The following DCAF1 variants were observed in gnomAD, a reference collection of about 807,000 sequenced individuals.
The protein encoded by DCAF1 is DDB1 and CUL4 associated factor 1.
Under a neutral mutation model 128.0 loss-of-function variants are expected in DCAF1, and 15 were observed. The ratio of observed to expected loss-of-function variants is 0.12; its 90% CI spans 0.08 to 0.18. The LOEUF is 0.18. Among genes scored for constraint, DCAF1 ranks in the 10% least tolerant of loss-of-function variants. The pLI is 1.00. For synonymous variants in DCAF1, 610 were observed against 603.0 expected (o/e 1.01, Z -0.17); for missense variants, 988 against 1,649.5 (o/e 0.60, Z 6.95).
chr3:51,422,240 G>T, intron 14 of DCAF1, 67 bp downstream of exon 14: 1 of 716,412 alleles, frequency 1.4e-6, no homozygotes, highest in South Asian at 1.5e-5. Flanking sequence ...AAGTAACCAA[G>T]ACCAGAGTGG....
intron 23 of DCAF1, among the ~76,000 whole-genome samples, chr3:51,408,518 C>T (rs782460244): frequency 2.0e-5 from 3 of 151,986 alleles, no homozygotes; most frequent in Non-Finnish European, 2.9e-5. Context: ...TCAGGTGAAG[C>T]GTACAAAGCA....
At chr3:51,470,610 T>G (rs1704627990) in intron 4 of DCAF1, among the ~76,000 whole-genome samples, 1 of 152,168 alleles carries the variant, frequency 6.6e-6, no homozygotes, top group Non-Finnish European at 1.5e-5. Flanking sequence ...TCTTTTTAAT[T>G]CTTTGTCATC....
intron 23 of DCAF1, among the ~76,000 whole-genome samples, chr3:51,411,545 T>C (rs1248774105): frequency 1.3e-5 from 2 of 152,104 alleles, no homozygotes; most frequent in African/African-American, 2.4e-5. Context: ...GAAAGCAAAA[T>C]GCAAAGACTG....
chr3:51,441,447 T>C lies in DCAF1; in HGVS notation c.964A>G (p.Thr322Ala). The C allele has an allele frequency of 6.2e-7, 1 of 1,613,732 alleles. No individual in the cohort carries two copies. The highest frequency in any genetic ancestry group is 8.5e-7 in the Non-Finnish European group (1 of 1,179,844). Residue 322 changes from threonine (T) to alanine (A), a missense_variant, in exon 8 of 25, where the codon ACT (threonine) becomes GCT (alanine). Transcript: ENST00000684031. ...IGTNYTLYPM[T>A]PAIEQRLILQ... ...ATGAGTCGCTGCTCGATAGCAGGAG[T>C]CATAGGATAAAGGGTATAATTGGTG...
At chr3:51,432,267 T>TG in intron 10 of DCAF1, among the ~76,000 whole-genome samples, 1 of 99,016 alleles carries the variant, frequency 1.0e-5, no homozygotes, top group East Asian at 2.9e-4. Context: ...CAAGATTCTG[T>TG]AAAAAAAAAA....
At chr3:51,495,603 C>T (rs1219756046) in intron 2 of DCAF1, among the ~76,000 whole-genome samples, 1 of 150,974 alleles carries the variant, frequency 6.6e-6, no homozygotes, top group Non-Finnish European at 1.5e-5. Flanking sequence ...TCAATGAAAG[C>T]AGTCAGCAAC....
intron 2 of DCAF1, among the ~76,000 whole-genome samples, chr3:51,489,095 A>G (rs1367223869): frequency 1.3e-5 from 2 of 152,112 alleles, no homozygotes; most frequent in African/African-American, 4.8e-5. Flanking sequence ...AAAATCGGAA[A>G]CCAGACAACA....
chr3:51,483,609 TTGTGTGTGTGTGTGTGTGTG>T lies in DCAF1; in HGVS notation c.110+90_110+109del, dbSNP rs57475291. The T allele has an allele frequency of 8.4e-6, 4 of 474,814 alleles. No homozygotes were observed. The South Asian group carries it at 1.3e-4, about 16-fold the overall frequency. 29.4% of individuals were successfully genotyped at this position (474,814 alleles called of 1,614,324 possible). A position where few individuals can be genotyped will look rare whatever the true frequency, so the allele number is the denominator to read the frequency against. ...AATTTTTGCTTCTTTTTAAACTAGTTTGTGTGTGTGTGTGTGTGTGTGTGTGTGTGTGTGTGTATGAAGAA... is the reference window on the plus strand; with the variant it reads ...AATTTTTGCTTCTTTTTAAACTAGTTTGTGTGTGTGTGTGTGTATGAAGAA... On this transcript the variant is annotated intron_variant, in intron 3 of 24. Coordinates refer to ENST00000684031, the MANE Select transcript of DCAF1 (RefSeq NM_001387579.1).
Position 51,420,504 on chromosome 3 carries a change from G to A in DCAF1, c.2466C>T (p.Leu822=), listed in dbSNP as rs1699300151. Residue 822 remains leucine, a synonymous_variant, in exon 15 of 25, where the codon CTC becomes CTT. Transcript: ENST00000684031. This position sits in a 1 kb window ranked among gnomAD's most constrained non-coding sequence, Gnocchi z 6.5. Reference sequence around the variant, plus strand: ...GTGCTAGGGAAACATCAGTGCCAATGAGAAGTGGTTTTCCTGACACCCGTT... The same window carrying A: ...GTGCTAGGGAAACATCAGTGCCAATAAGAAGTGGTTTTCCTGACACCCGTT... ...LIERVSGKPL[L]IGTDVSLARL... 5.6e-6 allele frequency: 9 copies of A among 1,613,942 alleles called. No homozygotes were observed. The highest frequency in any genetic ancestry group is 5.9e-6 in the Non-Finnish European group (7 of 1,179,878).
At position 51,459,689 on chromosome 3, in the gene DCAF1, C is replaced by T. The variant is rs568355744; in HGVS notation, c.375+3425G>A. Among the ~76,000 whole-genome samples the T allele has an allele frequency of 1.1e-4, 17 of 152,284 alleles. No individual in the cohort carries two copies. The South Asian group carries it at 2.9e-3, about 26-fold the overall frequency. On this transcript the variant is annotated intron_variant, in intron 6 of 24. Transcript: ENST00000684031. ...TACTGGCAAACCAAATCCAGCAGCA[C>T]ATCAAAAAGCTTATCTACCATGATC... is the stretch of plus-strand genomic sequence containing the variant.
intron 4 of DCAF1, 63 bp downstream of exon 4, chr3:51,470,866 C>T (rs887650270): frequency 5.6e-6 from 7 of 1,241,826 alleles, no homozygotes; most frequent in Admixed American, 2.4e-5. Context: ...AAAAGACCCT[C>T]GCTTTAATAA....
chr3:51,418,243 A>G, intron 16 of DCAF1, 45 bp from the exon 17 acceptor site: 4 of 1,567,816 alleles, frequency 2.6e-6, no homozygotes, highest in Non-Finnish European at 3.5e-6. Flanking sequence ...ATTTACATAC[A>G]TGCAGATGTC....
chr3:51,412,508 A>T (rs1553628787), intron 22 of DCAF1, 28 bp from the exon 23 acceptor site: 9 of 1,613,262 alleles, frequency 5.6e-6, no homozygotes, highest in Middle Eastern at 1.7e-4. Context: ...GTCCATAAGG[A>T]GCAGTTACTT....
chr3:51,451,066 A>ACTCTTTTT (rs1553641391), intron 6 of DCAF1, among the ~76,000 whole-genome samples: 5 of 32,822 alleles, frequency 1.5e-4, no homozygotes, highest in Non-Finnish European at 3.4e-4. Context: ...TAAAAAGGAA[A>ACTCTTTTT]TTCTTTTTTT....
intron 13 of DCAF1, among the ~76,000 whole-genome samples, chr3:51,424,424 AAGT>A (rs1178600357): frequency 6.6e-6 from 1 of 151,940 alleles, no homozygotes; most frequent in Non-Finnish European, 1.5e-5. Context: ...AGAAAAAAAA[AAGT>A]AGAGAAATGA....
chr3:51,480,459 C>T lies in DCAF1; in HGVS notation c.110+3260G>A, dbSNP rs553696234. Among the ~76,000 whole-genome samples, 8 of 151,774 alleles carry T rather than the reference C, an allele frequency of 5.3e-5. No homozygotes were observed. The South Asian group carries it at 1.0e-3, about 20-fold the overall frequency. On this transcript the variant is annotated intron_variant, in intron 3 of 24. Transcript: ENST00000684031. ...AAAATTCAAAAATAAGCTGGGCGTG[C>T]GTGGTGGTGGGCGCCTGTAATCCCA...
intron 2 of DCAF1, among the ~76,000 whole-genome samples, chr3:51,488,520 A>T (rs1254079355): frequency 1.3e-5 from 2 of 152,146 alleles, no homozygotes; most frequent in Non-Finnish European, 2.9e-5. Flanking sequence ...TACTAAAAAT[A>T]CAAAAATTAG....
chr3:51,458,603 G>C (rs1258776945), intron 6 of DCAF1, among the ~76,000 whole-genome samples: 1 of 152,146 alleles, frequency 6.6e-6, no homozygotes, highest in African/African-American at 2.4e-5. Context: ...CAAATCAACA[G>C]AATACACATT....
chr3:51,403,505 G>C, intron 23 of DCAF1, 110 bp from the exon 24 acceptor site: 3 of 1,476,390 alleles, frequency 2.0e-6, no homozygotes, highest in Non-Finnish European at 2.7e-6. Context: ...GTAGAGGGTA[G>C]TAGTGATCTA....
Sources: gnomAD v4.1 joint callset for allele counts (sites outside exome capture counted in the v4.1 genomes callset) on GRCh38, gnomAD v4.1.1 for gene constraint, Gnocchi (gnomAD v3.1) non-coding constraint, MANE v1.5 for transcripts, NCBI Gene and HGNC (gene_info 2026-07-23, HGNC 2026-07-21) for gene names.